The following EDC4 variants were observed in gnomAD, a reference collection of about 807,000 sequenced individuals.
EDC4 encodes the protein enhancer of mRNA-decapping protein 4.
In EDC4, 64 loss-of-function variants were observed where a neutral mutation model predicts 155.8. The ratio of observed to expected loss-of-function variants is 0.41; its 90% confidence interval spans 0.34 to 0.51. The LOEUF is 0.51. EDC4 is among the 20% of genes least tolerant of loss of function. EDC4 has a pLI of 0.19. For missense variants in EDC4, 1,303 were observed against 1,812.5 expected (o/e 0.72, Z 5.10); for synonymous variants, 684 against 716.8 (o/e 0.95, Z 0.73).
In EDC4 at chr16:67,879,892, A is replaced by G; in HGVS notation, c.1864A>G (p.Ser622Gly). The change falls in exon 16 of 29, where the codon AGC (serine) becomes GGC (glycine). Residue 622 changes from serine to glycine, a missense_variant. Physicochemically the swap from Ser to Gly is moderately conservative, Grantham distance 56. Coordinates refer to ENST00000358933, the MANE Select transcript of EDC4 (RefSeq NM_014329.5). The surrounding 1 kb of genome is among the most constrained non-coding windows in gnomAD (Gnocchi z 6.0). Reference protein sequence around the residue: ...PSSSSSGSSSSSSSSSSSLTA... With the variant: ...PSSSSSGSSSGSSSSSSSLTA... Reference sequence around the variant, plus strand: ...CAGCAGCAGCAGCGGTAGCAGCAGCAGCAGCAGCAGTAGCAGCAGCTCCCT... The same window carrying G: ...CAGCAGCAGCAGCGGTAGCAGCAGCGGCAGCAGCAGTAGCAGCAGCTCCCT... 1 of 1,611,882 alleles carries G rather than the reference A, an allele frequency of 6.2e-7. No homozygotes were observed. Among genetic ancestry groups the G allele is most frequent in the Non-Finnish European group, 8.5e-7 (1 of 1,178,530 alleles).
chr16:67,877,898 C>T lies in EDC4; in HGVS notation c.894+53C>T, dbSNP rs2058048752. ...GCCCTCCCCACTTCCTCATATCCAT[C>T]TTCTGTTCCCTATATCCACAGCTGC... On this transcript the variant is annotated intron_variant, in intron 7 of 28. Transcript: ENST00000358933. The surrounding 1 kb of genome is among the most constrained non-coding windows in gnomAD (Gnocchi z 4.9). 3 of 1,605,770 alleles carry T rather than the reference C, an allele frequency of 1.9e-6. No individual in the cohort carries two copies. Among genetic ancestry groups the T allele is most frequent in the African/African-American group, 1.3e-5 (1 of 74,780 alleles).
In EDC4 at chr16:67,883,752, A is replaced by G. The variant is rs1468822408; in HGVS notation, c.4013+21A>G. On this transcript the variant is annotated intron_variant, in intron 28 of 28. Coordinates refer to ENST00000358933, the MANE Select transcript of EDC4 (RefSeq NM_014329.5). This position sits in a 1 kb window ranked among gnomAD's most constrained non-coding sequence, Gnocchi z 5.3. ...CTCAGGTAAGTGGGGACAGCCAGGG[A>G]TGGGGAGATGAGCTGGGGAGTGGGG... 1.2e-6 allele frequency: 2 copies of G among 1,612,868 alleles called. No homozygotes were observed. Among genetic ancestry groups the G allele is most frequent in the Admixed American group, 1.7e-5 (1 of 60,002 alleles).
chr16:67,878,152 T>C lies in EDC4; in HGVS notation c.895-14T>C. 1 of 1,614,168 alleles carries C rather than the reference T, an allele frequency of 6.2e-7. No homozygotes were observed. Among genetic ancestry groups the C allele is most frequent in the East Asian group, 2.2e-5 (1 of 44,880 alleles). The stretch of plus-strand genomic sequence containing the variant: ...CTCACCTCTAGTCAGCAAAGCTTTT[T>C]GGGTTCTTTCTAGTGCCTCAGTGAA... On this transcript the variant is annotated splice_polypyrimidine_tract_variant and intron_variant, in intron 7 of 28. Transcript: ENST00000358933. This position sits in a 1 kb window ranked among gnomAD's most constrained non-coding sequence, Gnocchi z 5.2.
Position 67,883,438 on chromosome 16 carries a change from T to G in EDC4, c.3850-130T>G. 7.0e-7 allele frequency: 1 copy of G among 1,419,412 alleles called. No individual in the cohort carries two copies. 87.9% of individuals were successfully genotyped at this position (1,419,412 alleles called of 1,614,324 possible). A position where few individuals can be genotyped will look rare whatever the true frequency, so the allele number is the denominator to read the frequency against. The stretch of plus-strand genomic sequence containing the variant: ...AGGGTAACTACACAGCCCTACAGGC[T>G]CTCTCTGAGTCCCTCTGGAGCTCTC... On this transcript the variant is annotated intron_variant, in intron 27 of 28. Coordinates refer to ENST00000358933, the MANE Select transcript of EDC4 (RefSeq NM_014329.5). The surrounding 1 kb of genome is among the most constrained non-coding windows in gnomAD (Gnocchi z 5.3).
In EDC4 at chr16:67,873,201, G is replaced by A; in HGVS notation, c.-61G>A. The A allele has an allele frequency of 4.8e-6, 6 of 1,251,620 alleles. No homozygotes were observed. The highest frequency in any genetic ancestry group is 1.8e-5 in the South Asian group (1 of 56,264). 77.5% of individuals were successfully genotyped at this position (1,251,620 alleles called of 1,614,324 possible). On this transcript the variant is annotated 5_prime_UTR_variant, in exon 1 of 29. Transcript: ENST00000358933. ...CGCCCCGTGGCGGGTGAGCGAGGGT[G>A]CGTGGTGCGCGGCGGCGGCGGAACG... is the stretch of plus-strand genomic sequence containing the variant.
chr16:67,874,827 A>G (rs1227043924), intron 1 of EDC4, among the ~76,000 whole-genome samples: 1 of 152,174 alleles, frequency 6.6e-6, no homozygotes, highest in Non-Finnish European at 1.5e-5. Context: ...CACACCTGTA[A>G]TCCCAGCACT....
chr16:67,881,924 C>A lies in EDC4; in HGVS notation c.3005-30C>A, dbSNP rs1353266114. The stretch of plus-strand genomic sequence containing the variant: ...GGCCTGGGAAGGAGTACACGACCTG[C>A]TCCAGGCCCGTTCCTTAGCTATGGC... On this transcript the variant is annotated intron_variant, in intron 22 of 28. Coordinates refer to ENST00000358933, the MANE Select transcript of EDC4 (RefSeq NM_014329.5). The surrounding 1 kb of genome is among the most constrained non-coding windows in gnomAD (Gnocchi z 5.4). 1 of 1,603,600 alleles carries A rather than the reference C, an allele frequency of 6.2e-7. No homozygotes were observed. The highest frequency in any genetic ancestry group is 8.5e-7 in the Non-Finnish European group (1 of 1,172,982).
rs761691993 is a variant in EDC4, at chr16:67,883,649, T to C, written c.3931T>C (p.Cys1311Arg). The change falls in exon 28 of 29, where the codon TGC becomes CGC. Residue 1311 changes from cysteine (C) to arginine (R), a missense_variant. Around this residue, in one of 5 missense-constraint regions of EDC4, gnomAD observed 527 missense variants for 757.0 expected, o/e 0.70. Transcript: ENST00000358933. The surrounding 1 kb of genome is among the most constrained non-coding windows in gnomAD (Gnocchi z 5.3). ...DPAQVFGQPP[C>R]PLSQPVLLSL... Reference sequence around the variant, plus strand: ...AGCCCAGGTTTTTGGGCAGCCACCCTGCCCGCTCTCCCAGCCTGTGCTCCT... The same window carrying C: ...AGCCCAGGTTTTTGGGCAGCCACCCCGCCCGCTCTCCCAGCCTGTGCTCCT... The C allele has an allele frequency of 6.2e-7, 1 of 1,614,194 alleles. No homozygotes were observed. The highest frequency in any genetic ancestry group is 8.5e-7 in the Non-Finnish European group (1 of 1,180,028).
chr16:67,880,204 G>A lies in EDC4; in HGVS notation c.2085G>A (p.Lys695=), dbSNP rs1567390811. The A allele has an allele frequency of 3.7e-6, 6 of 1,607,940 alleles. No homozygotes were observed. The highest frequency in any genetic ancestry group is 4.2e-6 in the Non-Finnish European group (5 of 1,178,080). Residue 695 remains lysine (K), a synonymous_variant, in exon 17 of 29, where the codon AAG becomes AAA. Coordinates refer to ENST00000358933, the MANE Select transcript of EDC4 (RefSeq NM_014329.5). The surrounding 1 kb of genome is among the most constrained non-coding windows in gnomAD (Gnocchi z 5.2). ...CCCCAGCTGACAAACTGACTCCCAA[G>A]GGGCCGGGCCAGGTGTGTGACTGGG... ...LPAPADKLTP[K]GPGQVPTATS...
chr16:67,876,665 C>A lies in EDC4; in HGVS notation c.351+66C>A. ...CACACCCAGCCTTTCCAGTCTCCCT[C>A]ATGCTGCCAGTTCCTATGGGGACCA... On this transcript the variant is annotated intron_variant, in intron 3 of 28. Coordinates refer to ENST00000358933, the MANE Select transcript of EDC4 (RefSeq NM_014329.5). The surrounding 1 kb of genome is among the most constrained non-coding windows in gnomAD (Gnocchi z 5.8). 1 of 1,592,656 alleles carries A rather than the reference C, an allele frequency of 6.3e-7. No homozygotes were observed.
At position 67,884,131 on chromosome 16, in the gene EDC4, AC is replaced by A; in HGVS notation, c.4194del (p.Ser1399AlafsTer6). On this transcript the variant is annotated frameshift_variant, in exon 29 of 29. Transcript: ENST00000358933. LOFTEE classifies it high-confidence loss of function. The surrounding 1 kb of genome is among the most constrained non-coding windows in gnomAD (Gnocchi z 4.1). ...RLSLMLHGLV[T>X]PSLP ...CAGCCTCATGCTGCATGGCCTCGTG[AC>A]CCCCAGCCTCCCTTAGCTGCTAAGC... 6.2e-7 allele frequency: 1 copy of A among 1,608,284 alleles called. No individual in the cohort carries two copies. Among genetic ancestry groups the A allele is most frequent in the Non-Finnish European group, 8.5e-7 (1 of 1,176,416 alleles).
chr16:67,883,570 G>A lies in EDC4; in HGVS notation c.3852G>A (p.Ala1284=), dbSNP rs371474948. The A allele has an allele frequency of 1.2e-5, 19 of 1,613,318 alleles. No individual in the cohort carries two copies. The highest frequency in any genetic ancestry group is 6.7e-5 in the East Asian group (3 of 44,888). The part of the protein sequence containing the change: ...QGHLNQAFQQ[A]LTAADLNLVL... ...ACTGCTGCTTTTTTCTCCTCCAGGC[G>A]CTGACAGCTGCTGACCTGAACCTGG... Residue 1284 remains alanine (A), a splice_region_variant and synonymous_variant, in exon 28 of 29, where the codon GCG becomes GCA. Transcript: ENST00000358933. The surrounding 1 kb of genome is among the most constrained non-coding windows in gnomAD (Gnocchi z 5.3).
rs1475336661 is a variant in EDC4 at position 67,882,628 on chromosome 16, G to GTT, written c.3442+35_3442+36dup. The GTT allele has an allele frequency of 2.5e-6, 4 of 1,614,088 alleles. No individual in the cohort carries two copies. In the African/African-American group the frequency reaches 4.0e-5, roughly 16 times the overall value. On this transcript the variant is annotated intron_variant, in intron 25 of 28. Coordinates refer to ENST00000358933, the MANE Select transcript of EDC4 (RefSeq NM_014329.5). This position sits in a 1 kb window ranked among gnomAD's most constrained non-coding sequence, Gnocchi z 7.2. The stretch of plus-strand genomic sequence containing the variant: ...GGTCATATGGCCCAAGGTGGGAGGG[G>GTT]TTATCCTCTTTCCTACTGTTCCTCT...
Position 67,883,106 on chromosome 16 carries a change from G to T in EDC4, c.3778G>T (p.Asp1260Tyr). The change falls in exon 27 of 29, where the codon GAC becomes TAC. Residue 1260 changes from aspartate (D) to tyrosine (Y), a missense_variant. Asp to Tyr is a radical substitution (Grantham distance 160). Coordinates refer to ENST00000358933, the MANE Select transcript of EDC4 (RefSeq NM_014329.5). This position sits in a 1 kb window ranked among gnomAD's most constrained non-coding sequence, Gnocchi z 5.3. ...CACACCTGTCCCCTCTGCCCACCTT[G>T]ACTGCCAGGCCCAGCAAGCCCATAT... is the stretch of plus-strand genomic sequence containing the variant. ...AGTPVPSAHL[D>Y]CQAQQAHILQ... 1 of 1,611,122 alleles carries T rather than the reference G, an allele frequency of 6.2e-7. No individual in the cohort carries two copies. The highest frequency in any genetic ancestry group is 8.5e-7 in the Non-Finnish European group (1 of 1,179,300).
chr16:67,881,530 C>T lies in EDC4; in HGVS notation c.2823C>T (p.His941=), dbSNP rs781295736. The T allele has an allele frequency of 1.2e-6, 2 of 1,613,734 alleles. No individual in the cohort carries two copies. Among genetic ancestry groups the T allele is most frequent in the African/African-American group, 2.7e-5 (2 of 74,924 alleles). The change falls in exon 21 of 29, where the codon CAC becomes CAT. Residue 941 remains histidine (H), a synonymous_variant. Coordinates refer to ENST00000358933, the MANE Select transcript of EDC4 (RefSeq NM_014329.5). The surrounding 1 kb of genome is among the most constrained non-coding windows in gnomAD (Gnocchi z 5.4). The stretch of plus-strand genomic sequence containing the variant: ...CCATGGGATCCCGGCTCACAGAGCA[C>T]CAGGTAAGTGAATGAGCCCACTTTG... ...DAAMGSRLTE[H]QVAEPPEDWP...
chr16:67,884,245 GC>G lies in EDC4; in HGVS notation c.*102del. 2.5e-6 allele frequency: 3 copies of G among 1,195,186 alleles called. No individual in the cohort carries two copies. The highest frequency in any genetic ancestry group is 3.4e-6 in the Non-Finnish European group (3 of 872,328). 74.0% of individuals were successfully genotyped at this position (1,195,186 alleles called of 1,614,324 possible). ...TCACGGCTGGCCTTTACCTGCTCAGGCCCCCATCTCTGGGGTGTTTGGGGGT... is the reference window on the plus strand; with the variant it reads ...TCACGGCTGGCCTTTACCTGCTCAGGCCCCATCTCTGGGGTGTTTGGGGGT... On this transcript the variant is annotated 3_prime_UTR_variant, in exon 29 of 29. Coordinates refer to ENST00000358933, the MANE Select transcript of EDC4 (RefSeq NM_014329.5). This position sits in a 1 kb window ranked among gnomAD's most constrained non-coding sequence, Gnocchi z 4.1.
rs766433972 is a variant in EDC4 at position 67,879,863 on chromosome 16, CCAGCAGCAGCAGCAGCGGTAG to C, written c.1852_1872del (p.Gly618_Ser624del). 5.1e-4 allele frequency: 830 copies of C among 1,612,792 alleles called. 1 individual carries two copies. The highest frequency in any genetic ancestry group is 9.6e-4 in the African/African-American group (72 of 74,996). On this transcript the variant is annotated inframe_deletion, in exon 16 of 29. Transcript: ENST00000358933. This position sits in a 1 kb window ranked among gnomAD's most constrained non-coding sequence, Gnocchi z 6.0. The stretch of plus-strand genomic sequence containing the variant: ...GCATCTCCCCAGATCACTGCCTCTC[CCAGCAGCAGCAGCAGCGGTAG>C]CAGCAGCAGCAGCAGCAGTAGCAGC...
Position 67,876,241 on chromosome 16 carries a change from C to A in EDC4, c.239+140C>A. ...TGACCTGGGGTGGAGCTTGAGCTTG[C>A]ACTAGGATGAGAGGCAAGGACAAGC... is the stretch of plus-strand genomic sequence containing the variant. On this transcript the variant is annotated intron_variant, in intron 2 of 28. Coordinates refer to ENST00000358933, the MANE Select transcript of EDC4 (RefSeq NM_014329.5). This position sits in a 1 kb window ranked among gnomAD's most constrained non-coding sequence, Gnocchi z 5.8. 1 of 1,138,456 alleles carries A rather than the reference C, an allele frequency of 8.8e-7. No homozygotes were observed. The highest frequency in any genetic ancestry group is 2.4e-5 in the Admixed American group (1 of 41,760). 70.5% of individuals were successfully genotyped at this position (1,138,456 alleles called of 1,614,324 possible).
In EDC4 at chr16:67,879,127, C is replaced by T; in HGVS notation, c.1458C>T (p.Ser486=). 1 of 1,613,786 alleles carries T rather than the reference C, an allele frequency of 6.2e-7. No homozygotes were observed. Among genetic ancestry groups the T allele is most frequent in the Admixed American group, 1.7e-5 (1 of 60,006 alleles). ...TGCCTGCCGAAGAGGAAAATGACAGCCTGGGTGCTGGTGAGCTGCCTCAGG... is the reference window on the plus strand; with the variant it reads ...TGCCTGCCGAAGAGGAAAATGACAGTCTGGGTGCTGGTGAGCTGCCTCAGG... ...EVLPAEEEND[S]LGADGTHGAG... Residue 486 remains serine (S), a synonymous_variant, in exon 12 of 29, where the codon AGC becomes AGT. Coordinates refer to ENST00000358933, the MANE Select transcript of EDC4 (RefSeq NM_014329.5). The surrounding 1 kb of genome is among the most constrained non-coding windows in gnomAD (Gnocchi z 6.0).
Sources: gnomAD v4.1 joint callset for allele counts (sites outside exome capture counted in the v4.1 genomes callset) on GRCh38, gnomAD v4.1.1 for gene constraint, gnomAD v4.1.1 regional missense constraint, Gnocchi (gnomAD v3.1) non-coding constraint, MANE v1.5 for transcripts, NCBI Gene and HGNC (gene_info 2026-07-23, HGNC 2026-07-21) for gene names.